PPFIBP2: variants seen among roughly 807,000 people sequenced by gnomAD.
PPFIBP2 encodes the protein PPFIB scaffold protein 2, also known as liprin-beta-2.
In PPFIBP2, 118 loss-of-function variants were observed where a neutral mutation model predicts 118.3. The ratio of observed to expected loss-of-function variants is 1.00; its 90% CI spans 0.86 to 1.16. The LOEUF (loss-of-function observed/expected upper bound fraction) is 1.16. Among genes scored for constraint, PPFIBP2 ranks in the 50% most tolerant of loss-of-function variants. PPFIBP2 has a pLI of 0.00. For synonymous variants in PPFIBP2, 414 were observed against 397.4 expected (o/e 1.04, Z -0.50); for missense variants, 1,195 against 1,073.1 (o/e 1.11, Z -1.59).
chr11:7,651,514 G>T, intron 22 of PPFIBP2, 142 bp from the exon 23 acceptor site: 1 of 687,994 alleles, frequency 1.5e-6, no homozygotes, highest in Admixed American at 2.7e-5. Flanking sequence ...CCAGTGAGTG[G>T]AGTGGGACTC....
intron 1 of PPFIBP2, among the ~76,000 whole-genome samples, chr11:7,529,828 G>A (rs547312815): frequency 3.9e-5 from 6 of 152,342 alleles, no homozygotes; most frequent in Middle Eastern, 3.4e-3. Context: ...GGAAGGAACC[G>A]AGGGGCTGTA....
rs769893784 is a variant in PPFIBP2, at chr11:7,649,625, C to T, written c.2092C>T (p.His698Tyr). 6.2e-7 allele frequency: 1 copy of T among 1,614,134 alleles called. No homozygotes were observed. The highest frequency in any genetic ancestry group is 1.3e-5 in the African/African-American group (1 of 74,932). The change falls in exon 21 of 24, where the codon CAC (histidine) becomes TAC (tyrosine). Residue 698 changes from histidine to tyrosine, a missense_variant. His to Tyr is a moderately conservative substitution (Grantham distance 83). Transcript: ENST00000299492. ...HVLHVNKFNP[H>Y]CLHRRPADES... ...GCTGCATGTCAACAAGTTCAACCCC[C>T]ACTGCCTGCACCGGCGGCCAGCTGA...
chr11:7,635,019 G>C (rs959978005), intron 13 of PPFIBP2, among the ~76,000 whole-genome samples: 6 of 152,200 alleles, frequency 3.9e-5, no homozygotes, highest in Non-Finnish European at 8.8e-5. Context: ...GGATGTTGGA[G>C]AGTGAGCTGT....
At chr11:7,642,640 T>A (rs1055351028) in intron 17 of PPFIBP2, among the ~76,000 whole-genome samples, 2 of 152,162 alleles carry the variant, frequency 1.3e-5, no homozygotes, top group Non-Finnish European at 2.9e-5. Flanking sequence ...CTGGAGGTCT[T>A]CCACAGGATT....
At chr11:7,593,030 A>C in intron 3 of PPFIBP2, 102 bp from the exon 4 acceptor site, 1 of 1,487,294 alleles carries the variant, frequency 6.7e-7, no homozygotes, top group Non-Finnish European at 9.0e-7. Flanking sequence ...ATAATCAGTG[A>C]AACTATCCTC....
Position 7,626,517 on chromosome 11 carries a change from G to T in PPFIBP2, c.826+626G>T, listed in dbSNP as rs1456708746. ...TGTGTTATCCCCACTCAGGGGTAAG[G>T]ACTATATTTTTCTTGTTTAAGAGCA... On this transcript the variant is annotated intron_variant, in intron 8 of 23. Coordinates refer to ENST00000299492, the MANE Select transcript of PPFIBP2 (RefSeq NM_003621.5). 2.6e-5 allele frequency among the ~76,000 whole-genome samples: 4 copies of T among 152,236 alleles called. No individual in the cohort carries two copies. The East Asian group carries it at 7.7e-4, about 29-fold the overall frequency.
At chr11:7,579,201 A>AGG (rs1856895896) in intron 3 of PPFIBP2, among the ~76,000 whole-genome samples, 1 of 152,200 alleles carries the variant, frequency 6.6e-6, no homozygotes, top group East Asian at 1.9e-4. Context: ...AAAGCCCAAG[A>AGG]GGGGCTAAGA....
At chr11:7,565,898 C>A in intron 3 of PPFIBP2, 131 bp downstream of exon 3, 3 of 1,012,754 alleles carry the variant, frequency 3.0e-6, no homozygotes, top group Non-Finnish European at 4.3e-6. Context: ...CCACTTTGGC[C>A]AACGCTGCAG....
intron 2 of PPFIBP2, among the ~76,000 whole-genome samples, chr11:7,550,595 A>C (rs1354444726): frequency 6.6e-6 from 1 of 152,232 alleles, no homozygotes. Context: ...TTGAGAAGCC[A>C]TGACTAATGT....
At chr11:7,607,411 G>C (rs1847525453) in intron 5 of PPFIBP2, among the ~76,000 whole-genome samples, 1 of 151,508 alleles carries the variant, frequency 6.6e-6, no homozygotes, top group Non-Finnish European at 1.5e-5. Context: ...TGTAGAGGCA[G>C]GGTTCCACTA....
In PPFIBP2 at chr11:7,635,606, C is replaced by T. The variant is rs373131546; in HGVS notation, c.1236+13C>T. ...GTTAGAACCCAAGGTACATTGACTT[C>T]GTGCCCCGTCGTCTATTTGTGGTTA... is the stretch of plus-strand genomic sequence containing the variant. On this transcript the variant is annotated intron_variant, in intron 14 of 23. Transcript: ENST00000299492. 3.8e-5 allele frequency: 61 copies of T among 1,598,476 alleles called. No homozygotes were observed. The highest frequency in any genetic ancestry group is 4.5e-5 in the East Asian group (2 of 44,854).
chr11:7,562,692 C>T (rs7129193), intron 2 of PPFIBP2, among the ~76,000 whole-genome samples: 25,277 of 151,724 alleles, frequency 0.17, 2,133 homozygotes, highest in African/African-American at 0.18. Context: ...CCCAAAGCCC[C>T]ATGGTGGCAT....
At chr11:7,547,137 G>A (rs900311406) in intron 1 of PPFIBP2, among the ~76,000 whole-genome samples, 5 of 152,258 alleles carry the variant, frequency 3.3e-5, no homozygotes, top group African/African-American at 9.6e-5. Flanking sequence ...TGGATTTGTT[G>A]TGCTTTGAAG....
At chr11:7,626,144 T>G (rs1157410420) in intron 8 of PPFIBP2, among the ~76,000 whole-genome samples, 1 of 152,212 alleles carries the variant, frequency 6.6e-6, no homozygotes, top group African/African-American at 2.4e-5. Context: ...AAGGTTTTTC[T>G]CAGATGCACA....
At chr11:7,520,706 G>T (rs1003108361) in intron 1 of PPFIBP2, among the ~76,000 whole-genome samples, 2 of 152,140 alleles carry the variant, frequency 1.3e-5, no homozygotes, top group African/African-American at 4.8e-5. Context: ...GCACAACTAG[G>T]CTGAAACTTT....
chr11:7,540,341 AG>A (rs1266310235), intron 1 of PPFIBP2, among the ~76,000 whole-genome samples: 1 of 152,104 alleles, frequency 6.6e-6, no homozygotes, highest in Non-Finnish European at 1.5e-5. Flanking sequence ...GGTGAAGATG[AG>A]GGGACAGATC....
At chr11:7,621,632 G>A (rs1849370434) in intron 7 of PPFIBP2, among the ~76,000 whole-genome samples, 1 of 152,128 alleles carries the variant, frequency 6.6e-6, no homozygotes, top group Non-Finnish European at 1.5e-5. Context: ...ATCAAAACTA[G>A]TGGGTTACAT....
chr11:7,595,210 A>G (rs1860073518), intron 4 of PPFIBP2, among the ~76,000 whole-genome samples: 1 of 152,208 alleles, frequency 6.6e-6, no homozygotes, highest in Non-Finnish European at 1.5e-5. Flanking sequence ...TCTGTGCTCA[A>G]AAGGGTGGTG....
downstream of PPFIBP2, among the ~76,000 whole-genome samples, chr11:7,654,116 C>A (rs1854464203): frequency 6.6e-6 from 1 of 152,188 alleles, no homozygotes; most frequent in Non-Finnish European, 1.5e-5. Context: ...AAGAAGGCAC[C>A]TTGCTGGAAA....
Sources: allele counts gnomAD v4.1 joint callset (sites outside exome capture counted in the v4.1 genomes callset), GRCh38; gene constraint gnomAD v4.1.1; transcripts MANE v1.5; gene names NCBI Gene and HGNC (gene_info 2026-07-23, HGNC 2026-07-21).